The following F2RL3 variants were observed in gnomAD, a reference collection of about 807,000 sequenced individuals.
F2RL3 encodes F2R like thrombin or trypsin receptor 3.
A neutral mutation model predicts 4.9 loss-of-function variants in F2RL3; 3 were observed. The ratio of observed to expected loss-of-function variants is 0.61; its 90% CI spans 0.28 to 1.58. F2RL3 has a LOEUF of 1.58. Ranked by LOEUF, F2RL3 falls within the 40% of genes most tolerant of loss-of-function variation. The pLI, the probability that F2RL3 is intolerant of heterozygous loss-of-function variation, is 0.11. For synonymous variants in F2RL3, 284 were observed against 278.4 expected (o/e 1.02, Z -0.20); for missense variants, 564 against 550.4 (o/e 1.02, Z -0.25).
In F2RL3 at chr19:16,890,312, G is replaced by C; in HGVS notation, c.849G>C (p.Arg283Ser). Residue 283 changes from arginine to serine, a missense_variant, in exon 2 of 2, where the codon AGG (arginine) becomes AGC (serine). Coordinates refer to ENST00000248076, the MANE Select transcript of F2RL3 (RefSeq NM_003950.4). ...ASGRRYGHAL[R>S]LTAVVLASAV... ...GCCGGCGCTACGGCCACGCGCTGAGGCTGACCGCAGTGGTGCTGGCCTCCG... is the reference window on the plus strand; with the variant it reads ...GCCGGCGCTACGGCCACGCGCTGAGCCTGACCGCAGTGGTGCTGGCCTCCG... The C allele has an allele frequency of 6.3e-7, 1 of 1,578,666 alleles. No individual in the cohort carries two copies. The highest frequency in any genetic ancestry group is 1.3e-5 in the African/African-American group (1 of 74,428).
In F2RL3 at chr19:16,890,526, C is replaced by A. The variant is rs184776893; in HGVS notation, c.1063C>A (p.Leu355Ile). ...GTTCAGGGACAAGGTGCGGGCAGGG[C>A]TCTTCCAACGGTCGCCGGGGGACAC... ...AEFRDKVRAG[L>I]FQRSPGDTVA... Residue 355 changes from leucine to isoleucine, a missense_variant, in exon 2 of 2, where the codon CTC becomes ATC. Transcript: ENST00000248076. 1.9e-6 allele frequency: 3 copies of A among 1,612,248 alleles called. No homozygotes were observed. Among genetic ancestry groups the A allele is most frequent in the Non-Finnish European group, 2.5e-6 (3 of 1,179,770 alleles).
chr19:16,889,706 C>T lies in F2RL3; in HGVS notation c.243C>T (p.Pro81=), dbSNP rs146201135. 1.0e-5 allele frequency: 16 copies of T among 1,607,452 alleles called. No homozygotes were observed. The highest frequency in any genetic ancestry group is 1.6e-4 in the Middle Eastern group (1 of 6,084). ...LLGWVPTRLV[P]ALYGLVLVVG... ...GCTGGGTGCCCACCAGGCTGGTGCC[C>T]GCCCTCTATGGGCTGGTCCTGGTGG... The change falls in exon 2 of 2, where the codon CCC becomes CCT. Residue 81 remains proline, a synonymous_variant. Coordinates refer to ENST00000248076, the MANE Select transcript of F2RL3 (RefSeq NM_003950.4).
intron 1 of F2RL3, 136 bp from the exon 2 acceptor site, chr19:16,889,437 G>A: frequency 8.5e-7 from 1 of 1,172,826 alleles, no homozygotes; most frequent in East Asian, 2.4e-5. Flanking sequence ...GACCCCATAG[G>A]GCTGGGCTAT....
rs2051764663 is a variant in F2RL3 at position 16,889,899 on chromosome 19, G to A, written c.436G>A (p.Glu146Lys). The A allele has an allele frequency of 1.3e-6, 2 of 1,582,284 alleles. No homozygotes were observed. ...HLRGQRWPFG[E>K]AACRLATAAL... is the part of the protein sequence containing the mutation. The stretch of plus-strand genomic sequence containing the variant: ...GCGTGGCCAGCGCTGGCCCTTCGGG[G>A]AGGCCGCCTGCCGCCTGGCCACGGC... The change falls in exon 2 of 2, where the codon GAG becomes AAG. Residue 146 changes from glutamate (E) to lysine (K), a missense_variant. By Grantham distance (56) the Glu-to-Lys change is moderately conservative (BLOSUM62 1). Coordinates refer to ENST00000248076, the MANE Select transcript of F2RL3 (RefSeq NM_003950.4).
Position 16,890,720 on chromosome 19 carries a change from TTGTTA to T in F2RL3, c.*100_*104del. 1.1e-6 allele frequency: 1 copy of T among 928,868 alleles called. No individual in the cohort carries two copies. Among genetic ancestry groups the T allele is most frequent in the Non-Finnish European group, 1.6e-6 (1 of 629,732 alleles). The allele number at this position is 928,868 out of a possible 1,614,324, so 57.5% of individuals were successfully genotyped here. ...AATGTGACCTTATTTGGAAATAGGG[TTGTTA>T]CAACTGTCACTAGCGGAGGTCACTT... is the stretch of plus-strand genomic sequence containing the variant. On this transcript the variant is annotated 3_prime_UTR_variant, in exon 2 of 2. Transcript: ENST00000248076.
In F2RL3 at chr19:16,892,269, C is replaced by T. The variant is rs1432845212; in HGVS notation, c.*1648C>T. ...GCCCAATGCTGTGGCCCCACCAGGC[C>T]CAGAGCCTGGTTGGCCATTCTCATG... On this transcript the variant is annotated 3_prime_UTR_variant, in exon 2 of 2. Coordinates refer to ENST00000248076, the MANE Select transcript of F2RL3 (RefSeq NM_003950.4). 6.6e-6 allele frequency: 1 copy of T among 152,290 alleles called. No individual in the cohort carries two copies. The highest frequency in any genetic ancestry group is 1.5e-5 in the Non-Finnish European group (1 of 68,136). 9.4% of individuals were successfully genotyped at this position (152,290 alleles called of 1,614,324 possible).
Position 16,890,156 on chromosome 19 carries a change from G to A in F2RL3, c.693G>A (p.Ala231=), listed in dbSNP as rs761708664. Residue 231 remains alanine, a synonymous_variant, in exon 2 of 2, where the codon GCG becomes GCA. Coordinates refer to ENST00000248076, the MANE Select transcript of F2RL3 (RefSeq NM_003950.4). The stretch of plus-strand genomic sequence containing the variant: ...CCGATCGCGTGCTCTGCCATGACGC[G>A]CTGCCCCTGGACGCACAGGCCTCCC... ...ARSDRVLCHD[A]LPLDAQASHW... 1.4e-5 allele frequency: 23 copies of A among 1,594,704 alleles called. No individual in the cohort carries two copies. The Admixed American group carries it at 3.4e-4, about 23-fold the overall frequency.
rs376870417 is a variant in F2RL3 at position 16,890,285 on chromosome 19, C to T, written c.822C>T (p.Ser274=). ...CCACCCTGCACACGCTGGCGGCCAG[C>T]GGCCGGCGCTACGGCCACGCGCTGA... ...YGATLHTLAA[S]GRRYGHALRL... is the part of the protein sequence containing the mutation. The change falls in exon 2 of 2, where the codon AGC becomes AGT. Residue 274 remains serine (S), a synonymous_variant. Transcript: ENST00000248076. 426 of 1,557,734 alleles carry T rather than the reference C, an allele frequency of 2.7e-4. 1 individual carries two copies. The African/African-American group carries it at 5.2e-3, about 19-fold the overall frequency.
rs1279202618 is a variant in F2RL3, at chr19:16,890,103, C to A, written c.640C>A (p.Gln214Lys). The change falls in exon 2 of 2, where the codon CAG (glutamine) becomes AAG (lysine). Residue 214 changes from glutamine to lysine, a missense_variant. Gln to Lys is a moderately conservative substitution (Grantham distance 53). Transcript: ENST00000248076. ...CGCCCTGGCACTGCCCCTGACACTG[C>A]AGCGGCAGACCTTCCGGCTGGCGCG... ...AAALALPLTLQRQTFRLARSD... is the reference protein window; with the variant it reads ...AAALALPLTLKRQTFRLARSD... 7 of 1,597,740 alleles carry A rather than the reference C, an allele frequency of 4.4e-6. No homozygotes were observed. Among genetic ancestry groups the A allele is most frequent in the Non-Finnish European group, 5.9e-6 (7 of 1,178,974 alleles).
chr19:16,889,992 G>T lies in F2RL3; in HGVS notation c.529G>T (p.Ala177Ser). 6.3e-7 allele frequency: 1 copy of T among 1,598,634 alleles called. No individual in the cohort carries two copies. The change falls in exon 2 of 2, where the codon GCC becomes TCC. Residue 177 changes from alanine to serine, a missense_variant. By Grantham distance (99) the Ala-to-Ser change is moderately conservative. Coordinates refer to ENST00000248076, the MANE Select transcript of F2RL3 (RefSeq NM_003950.4). ...CGCCGTCAGCCTGGATCGCTACCTG[G>T]CCCTGGTGCACCCGCTGCGGGCCCG... is the stretch of plus-strand genomic sequence containing the variant. ...LAAVSLDRYL[A>S]LVHPLRARAL...
chr19:16,889,511 T>A, intron 1 of F2RL3, 62 bp from the exon 2 acceptor site: 1 of 1,463,734 alleles, frequency 6.8e-7, no homozygotes, highest in Non-Finnish European at 9.2e-7. Flanking sequence ...AGCACCTCCC[T>A]CCCTGCTGCT....
Position 16,890,548 on chromosome 19 carries a change from A to C in F2RL3, c.1085A>C (p.Asp362Ala). ...GGGCTCTTCCAACGGTCGCCGGGGG[A>C]CACCGTGGCCTCCAAGGCCTCTGCG... ...RAGLFQRSPGDTVASKASAEG... is the reference protein window; with the variant it reads ...RAGLFQRSPGATVASKASAEG... Residue 362 changes from aspartate (D) to alanine (A), a missense_variant, in exon 2 of 2, where the codon GAC (aspartate) becomes GCC (alanine). By Grantham distance (126) the Asp-to-Ala change is moderately radical (BLOSUM62 -2). Coordinates refer to ENST00000248076, the MANE Select transcript of F2RL3 (RefSeq NM_003950.4). 3.1e-6 allele frequency: 5 copies of C among 1,608,520 alleles called. No individual in the cohort carries two copies. The highest frequency in any genetic ancestry group is 4.2e-6 in the Non-Finnish European group (5 of 1,178,344).
chr19:16,889,151 A>AAGCCTGAGGCCACAGCCCAGAGC lies in F2RL3; in HGVS notation c.-30_-8dup. On this transcript the variant is annotated 5_prime_UTR_variant, in exon 1 of 2. Coordinates refer to ENST00000248076, the MANE Select transcript of F2RL3 (RefSeq NM_003950.4). ...GGGGCTCAGGGTCCGGCGAGGCAGGAAGCCTGAGGCCACAGCCCAGAGCAG... is the reference window on the plus strand; with the variant it reads ...GGGGCTCAGGGTCCGGCGAGGCAGGAAGCCTGAGGCCACAGCCCAGAGCAGCCTGAGGCCACAGCCCAGAGCAG... The AAGCCTGAGGCCACAGCCCAGAGC allele has an allele frequency of 7.2e-7, 1 of 1,381,160 alleles. No individual in the cohort carries two copies. Among genetic ancestry groups the AAGCCTGAGGCCACAGCCCAGAGC allele is most frequent in the African/African-American group, 1.5e-5 (1 of 68,166 alleles). The allele number at this position is 1,381,160 out of a possible 1,614,324, so 85.6% of individuals were successfully genotyped here.
chr19:16,889,948 G>A lies in F2RL3; in HGVS notation c.485G>A (p.Gly162Asp), dbSNP rs1206008094. ...GCCGCACTCTATGGTCACATGTATG[G>A]CTCAGTGCTGCTGCTGGCCGCCGTC... is the stretch of plus-strand genomic sequence containing the variant. ...ATAALYGHMY[G>D]SVLLLAAVSL... Residue 162 changes from glycine (G) to aspartate (D), a missense_variant, in exon 2 of 2, where the codon GGC becomes GAC. Transcript: ENST00000248076. 3 of 1,591,190 alleles carry A rather than the reference G, an allele frequency of 1.9e-6. No individual in the cohort carries two copies. The highest frequency in any genetic ancestry group is 1.7e-5 in the Admixed American group (1 of 57,850).
In F2RL3 at chr19:16,889,635, A is replaced by G. The variant is rs1038049718; in HGVS notation, c.172A>G (p.Ser58Gly). 6.2e-7 allele frequency: 1 copy of G among 1,608,764 alleles called. No individual in the cohort carries two copies. Among genetic ancestry groups the G allele is most frequent in the Non-Finnish European group, 8.5e-7 (1 of 1,178,192 alleles). The change falls in exon 2 of 2, where the codon AGT becomes GGT. Residue 58 changes from serine (S) to glycine (G), a missense_variant. By Grantham distance (56) the Ser-to-Gly change is moderately conservative. Transcript: ENST00000248076. ...GYPGQVCAND[S>G]DTLELPDSSR... ...CCCAGGCCAAGTCTGTGCCAATGAC[A>G]GTGACACCCTGGAGCTCCCGGACAG...
rs770801019 is a variant in F2RL3 at position 16,890,324 on chromosome 19, G to A, written c.861G>A (p.Val287=). The A allele has an allele frequency of 1.3e-6, 2 of 1,587,530 alleles. No individual in the cohort carries two copies. Among genetic ancestry groups the A allele is most frequent in the Non-Finnish European group, 1.7e-6 (2 of 1,172,012 alleles). The change falls in exon 2 of 2, where the codon GTG becomes GTA. Residue 287 remains valine, a synonymous_variant. Transcript: ENST00000248076. ...GCCACGCGCTGAGGCTGACCGCAGT[G>A]GTGCTGGCCTCCGCCGTGGCCTTCT... ...RYGHALRLTA[V]VLASAVAFFV... is the part of the protein sequence containing the mutation.
rs372270279 is a variant in F2RL3 at position 16,890,160 on chromosome 19, C to A, written c.697C>A (p.Pro233Thr). The change falls in exon 2 of 2, where the codon CCC becomes ACC. Residue 233 changes from proline to threonine, a missense_variant. By Grantham distance (38) the Pro-to-Thr change is conservative (BLOSUM62 -1). Coordinates refer to ENST00000248076, the MANE Select transcript of F2RL3 (RefSeq NM_003950.4). ...SDRVLCHDAL[P>T]LDAQASHWQP... ...TCGCGTGCTCTGCCATGACGCGCTG[C>A]CCCTGGACGCACAGGCCTCCCACTG... is the stretch of plus-strand genomic sequence containing the variant. The A allele has an allele frequency of 3.8e-6, 6 of 1,594,826 alleles. No homozygotes were observed. The highest frequency in any genetic ancestry group is 5.1e-6 in the Non-Finnish European group (6 of 1,177,670).
Position 16,892,038 on chromosome 19 carries a change from C to CTT in F2RL3, c.*1419_*1420dup, listed in dbSNP as rs1445546755. ...GTTTTAAGCTGCCTGGCATGTGGCA[C>CTT]TTTGTCAGGGCAGCCCAGGAATCTG... On this transcript the variant is annotated 3_prime_UTR_variant, in exon 2 of 2. Transcript: ENST00000248076. 6.6e-6 allele frequency: 1 copy of CTT among 152,296 alleles called. No homozygotes were observed. The highest frequency in any genetic ancestry group is 1.5e-5 in the Non-Finnish European group (1 of 68,082). The allele number at this position is 152,296 out of a possible 1,614,324, so 9.4% of individuals were successfully genotyped here. A position where few individuals can be genotyped will look rare whatever the true frequency, so the allele number is the denominator to read the frequency against.
Position 16,889,555 on chromosome 19 carries a change from G to T in F2RL3, c.110-18G>T, listed in dbSNP as rs899121212. 7 of 1,540,010 alleles carry T rather than the reference G, an allele frequency of 4.5e-6. No homozygotes were observed. The highest frequency in any genetic ancestry group is 6.1e-6 in the Non-Finnish European group (7 of 1,143,982). On this transcript the variant is annotated intron_variant, in intron 1 of 1. Coordinates refer to ENST00000248076, the MANE Select transcript of F2RL3 (RefSeq NM_003950.4). The stretch of plus-strand genomic sequence containing the variant: ...CCTGCCGAGGCAGGGGCTGACTGAG[G>T]TCCCCTCTCTCTCCCAGACAGCACG...
Sources: allele counts gnomAD v4.1 joint callset, GRCh38; gene constraint gnomAD v4.1.1; transcripts MANE v1.5; gene names NCBI Gene and HGNC (gene_info 2026-07-23, HGNC 2026-07-21).